Variants in CD96 observed in about 807,000 individuals in gnomAD.
The protein encoded by CD96 is T-cell surface protein tactile.
A neutral mutation model predicts 71.3 loss-of-function variants in CD96; 70 were observed. That is an observed-to-expected ratio of 0.98 (90% CI 0.81 to 1.20). CD96 has a LOEUF of 1.20. Among genes scored for constraint, CD96 ranks in the 50% most tolerant of loss-of-function variants. The pLI is 0.00. For missense variants in CD96, 742 were observed against 677.5 expected (o/e 1.10, Z -1.06); for synonymous variants, 248 against 233.0 (o/e 1.06, Z -0.59).
Position 111,614,905 on chromosome 3 carries a change from C to G in CD96, c.1180+8113C>G, listed in dbSNP as rs7633552. 1.1e-3 allele frequency among the ~76,000 whole-genome samples: 163 copies of G among 152,322 alleles called. 1 individual carries two copies. The highest frequency in any genetic ancestry group is 6.8e-3 in the Middle Eastern group (2 of 294). On this transcript the variant is annotated intron_variant, in intron 8 of 13. Coordinates refer to ENST00000352690, the MANE Select transcript of CD96 (RefSeq NM_005816.5). ...AGGAGCGGATTCTTCTTCATCTTCT[C>G]CATGAGGGAGGGCCTGATGCACAGG...
intron 2 of CD96, among the ~76,000 whole-genome samples, chr3:111,551,763 G>C (rs1934718753): frequency 6.6e-6 from 1 of 151,972 alleles, no homozygotes; most frequent in East Asian, 1.9e-4. Flanking sequence ...TCCCCCTCAT[G>C]GGTCAGAATG....
chr3:111,663,985 C>T (rs962347961), intron 14 of CD96, among the ~76,000 whole-genome samples: 3 of 152,100 alleles, frequency 2.0e-5, no homozygotes, highest in African/African-American at 7.2e-5. Context: ...CTCCTGACCT[C>T]GTGATCTTCC....
intron 8 of CD96, among the ~76,000 whole-genome samples, chr3:111,610,874 A>T (rs1344410077): frequency 6.6e-6 from 1 of 152,198 alleles, no homozygotes; most frequent in African/African-American, 2.4e-5. Flanking sequence ...AGCCTAAGAG[A>T]TGCCAACCCG....
At chr3:111,596,534 C>T (rs1937269672) in intron 5 of CD96, among the ~76,000 whole-genome samples, 1 of 152,120 alleles carries the variant, frequency 6.6e-6, no homozygotes, top group African/African-American at 2.4e-5. Flanking sequence ...CCTGATATTA[C>T]CATATCGTCA....
At chr3:111,570,865 G>T in intron 3 of CD96, 3 of 1,608,854 alleles carry the variant, frequency 1.9e-6, no homozygotes, top group Non-Finnish European at 2.6e-6. Flanking sequence ...GGTCCTGACC[G>T]CTCTTCCAAG....
At position 111,552,335 on chromosome 3, in the gene CD96, C is replaced by T. The variant is rs550732216; in HGVS notation, c.418+6933C>T. ...CTGCCATGTGGGGAGCAGCATTCCT[C>T]CCTCCGAGGATGCAGCATTCAAAGT... On this transcript the variant is annotated intron_variant, in intron 2 of 13. Coordinates refer to ENST00000352690, the MANE Select transcript of CD96 (RefSeq NM_005816.5). Among the ~76,000 whole-genome samples the T allele has an allele frequency of 4.1e-4, 63 of 152,144 alleles. No homozygotes were observed. In the South Asian group the frequency reaches 0.013, roughly 31 times the overall value.
At chr3:111,599,149 T>A (rs1301750848) in intron 6 of CD96, among the ~76,000 whole-genome samples, 1 of 151,908 alleles carries the variant, frequency 6.6e-6, no homozygotes, top group Non-Finnish European at 1.5e-5. Flanking sequence ...TTTGTATTTT[T>A]AGATGAGTCG....
At chr3:111,643,826 T>C (rs986260355) in intron 12 of CD96, among the ~76,000 whole-genome samples, 16 of 151,130 alleles carry the variant, frequency 1.1e-4, no homozygotes, top group Non-Finnish European at 1.8e-4. Context: ...ACTGCTGAGA[T>C]AAATCATAGA....
chr3:111,594,682 G>A (rs566208829), intron 5 of CD96: 8 of 168,270 alleles, frequency 4.8e-5, no homozygotes, highest in Admixed American at 1.9e-4. Flanking sequence ...GGAGGCAGGA[G>A]AAACAGCCTC....
At chr3:111,579,556 C>T (rs767010434) in intron 4 of CD96, 137 of 370,456 alleles carry the variant, frequency 3.7e-4, no homozygotes, top group Non-Finnish European at 6.6e-4. Context: ...GTTATGGAGG[C>T]TAAGTCCAAG....
Position 111,554,547 on chromosome 3 carries a change from AC to A in CD96, c.418+9147del, listed in dbSNP as rs1446853891. 2.6e-5 allele frequency among the ~76,000 whole-genome samples: 4 copies of A among 152,138 alleles called. No individual in the cohort carries two copies. The East Asian group carries it at 5.8e-4, about 22-fold the overall frequency. ...ACTTGCTCCACCGTATCTCCTCTAA[AC>A]CACTCTGTATTACTAAATATACTGC... On this transcript the variant is annotated intron_variant, in intron 2 of 13. Transcript: ENST00000352690.
intron 7 of CD96, among the ~76,000 whole-genome samples, chr3:111,602,746 T>G (rs1160790987): frequency 6.6e-6 from 1 of 152,196 alleles, no homozygotes; most frequent in African/African-American, 2.4e-5. Flanking sequence ...GCAAGAGTCA[T>G]TGCCTTACCA....
At chr3:111,593,860 G>A (rs1192780124) in intron 5 of CD96, 3 of 1,613,734 alleles carry the variant, frequency 1.9e-6, no homozygotes, top group Admixed American at 1.7e-5. Context: ...CCTGACCATG[G>A]CCACTCTTCT....
At chr3:111,550,477 C>G (rs1934641460) in intron 2 of CD96, among the ~76,000 whole-genome samples, 1 of 151,238 alleles carries the variant, frequency 6.6e-6, no homozygotes, top group Non-Finnish European at 1.5e-5. Flanking sequence ...TGGGCAGGAT[C>G]TAGTTGAAAA....
At chr3:111,547,674 C>T (rs901461371) in intron 2 of CD96, among the ~76,000 whole-genome samples, 2 of 152,112 alleles carry the variant, frequency 1.3e-5, no homozygotes, top group African/African-American at 4.8e-5. Flanking sequence ...CTAAAAACTG[C>T]AGGTCACTGG....
Position 111,579,199 on chromosome 3 carries a change from A to G in CD96, c.716A>G (p.Lys239Arg). ...FSCHIRVGPNKILRSSTTVKV... is the reference protein window; with the variant it reads ...FSCHIRVGPNRILRSSTTVKV... ...TGCCACATTAGAGTCGGTCCTAACA[A>G]AATCTTGAGGAGCTCCACCACAGTC... Residue 239 changes from lysine to arginine, a missense_variant, in exon 4 of 14, where the codon AAA becomes AGA. Transcript: ENST00000352690. The G allele has an allele frequency of 6.8e-6, 11 of 1,610,610 alleles. No homozygotes were observed. The highest frequency in any genetic ancestry group is 9.3e-6 in the Non-Finnish European group (11 of 1,176,718).
chr3:111,588,265 CA>C (rs1367843357), intron 5 of CD96, among the ~76,000 whole-genome samples: 1 of 152,158 alleles, frequency 6.6e-6, no homozygotes, highest in African/African-American at 2.4e-5. Flanking sequence ...TTCAAAGTTC[CA>C]CAGATCTCTA....
At chr3:111,561,744 G>C (rs1315734370) in intron 2 of CD96, among the ~76,000 whole-genome samples, 1 of 146,454 alleles carries the variant, frequency 6.8e-6, no homozygotes, top group East Asian at 2.0e-4. Flanking sequence ...CACCCAGTTC[G>C]AGCTTCCCGG....
chr3:111,567,643 C>A lies in CD96; in HGVS notation c.539C>A (p.Ser180Ter). 6.2e-7 allele frequency: 1 copy of A among 1,612,960 alleles called. No homozygotes were observed. Among genetic ancestry groups the A allele is most frequent in the South Asian group, 1.1e-5 (1 of 91,020 alleles). The part of the protein sequence containing the change: ...KISSEFTYAW[S>*]VEDNGTQETL... ...TCATCTGAGTTCACCTATGCATGGT[C>A]GGTGGTAAGTGTTGCCCTTTTCAGT... The change falls in exon 3 of 14, where the codon TCG (serine) becomes TAG (stop). Residue 180 changes from serine to a stop codon, truncating the protein, a stop_gained. Transcript: ENST00000352690. LOFTEE classifies it high-confidence loss of function.
Sources: allele counts gnomAD v4.1 joint callset (sites outside exome capture counted in the v4.1 genomes callset), GRCh38; gene constraint gnomAD v4.1.1; transcripts MANE v1.5; gene names NCBI Gene and HGNC (gene_info 2026-07-23, HGNC 2026-07-21).